The following ATP7A variants were observed in gnomAD, a reference collection of about 807,000 sequenced individuals.
The protein encoded by ATP7A is copper-transporting ATPase 1.
Under a neutral mutation model 83.5 loss-of-function variants are expected in ATP7A, and 7 were observed. The observed-to-expected ratio is 0.08, with a 90% CI of 0.05 to 0.16. The LOEUF (loss-of-function observed/expected upper bound fraction) is 0.16. Ranked by LOEUF, ATP7A falls within the 10% of genes least tolerant of loss-of-function variation. The pLI is 1.00. For synonymous variants in ATP7A, 354 were observed against 395.2 expected (o/e 0.90, Z 1.24); for missense variants, 940 against 1,120.8 (o/e 0.84, Z 2.30).
At chrX:78,022,088 T>A (rs1282637364) in intron 14 of ATP7A, among the ~76,000 whole-genome samples, 1 of 111,515 alleles carries the variant, frequency 9.0e-6, no homozygotes, top group East Asian at 2.8e-4. Flanking sequence ...TTTTGTTGAG[T>A]TGTTTTTCCT....
chrX:77,997,268 A>C (rs2077710429), intron 4 of ATP7A, among the ~76,000 whole-genome samples: 1 of 112,694 alleles, frequency 8.9e-6, no homozygotes. Flanking sequence ...GAAATGCAGA[A>C]TCTCAGACCC....
At chrX:77,933,047 T>C (rs1861704206) in intron 1 of ATP7A, among the ~76,000 whole-genome samples, 1 of 112,091 alleles carries the variant, frequency 8.9e-6, no homozygotes, top group Non-Finnish European at 1.9e-5. Context: ...TCTGTGCAAG[T>C]ACTGCTCAAG....
intron 13 of ATP7A, 128 bp downstream of exon 13, chrX:78,020,526 G>C (rs898781579): frequency 7.8e-5 from 66 of 840,781 alleles, no homozygotes; most frequent in Non-Finnish European, 9.7e-5. Context: ...GTTTGTTTTT[G>C]TTTTGAGATA....
intron 7 of ATP7A, among the ~76,000 whole-genome samples, chrX:78,010,665 C>T (rs782005880): frequency 4.9e-5 from 5 of 101,370 alleles, no homozygotes; most frequent in Admixed American, 1.1e-4. Context: ...CTGCAACCTC[C>T]GCCTCCTGGG....
intron 1 of ATP7A, among the ~76,000 whole-genome samples, chrX:77,928,901 C>T (rs1432464770): frequency 9.0e-6 from 1 of 111,587 alleles, no homozygotes; most frequent in Non-Finnish European, 1.9e-5. Context: ...GGTACCCCTG[C>T]CCCCTAGTCA....
intron 12 of ATP7A, among the ~76,000 whole-genome samples, chrX:78,019,271 C>T (rs782322010): frequency 7.1e-4 from 79 of 111,530 alleles, no homozygotes; most frequent in African/African-American, 2.5e-3. Flanking sequence ...CCAGGTTTTC[C>T]ACATCAGGGT....
intron 1 of ATP7A, among the ~76,000 whole-genome samples, chrX:77,932,797 C>G (rs782025160): frequency 9.8e-5 from 11 of 112,261 alleles, no homozygotes; most frequent in Admixed American, 2.8e-4. Flanking sequence ...CGCAGGCACT[C>G]GGCAGGCTGA....
chrX:77,984,647 T>C (rs1360524013), intron 2 of ATP7A, among the ~76,000 whole-genome samples: 1 of 111,488 alleles, frequency 9.0e-6, no homozygotes, highest in Non-Finnish European at 1.9e-5. Flanking sequence ...ATTACAGGTG[T>C]GAGCCACCAC....
intron 6 of ATP7A, among the ~76,000 whole-genome samples, chrX:78,003,465 A>T (rs1461403722): frequency 9.0e-6 from 1 of 111,076 alleles, no homozygotes; most frequent in Non-Finnish European, 1.9e-5. Flanking sequence ...GAATGAATAA[A>T]TGAAAATTAA....
At chrX:77,946,388 G>C (rs1557226178) in intron 1 of ATP7A, among the ~76,000 whole-genome samples, 1 of 109,697 alleles carries the variant, frequency 9.1e-6, no homozygotes, top group African/African-American at 3.3e-5. Context: ...CTAATGACCA[G>C]TTGTTACATC....
At chrX:77,925,564 T>G (rs2077237687) in intron 1 of ATP7A, among the ~76,000 whole-genome samples, 1 of 111,215 alleles carries the variant, frequency 9.0e-6, no homozygotes, top group African/African-American at 3.3e-5. Flanking sequence ...GCTCCACAGT[T>G]TTCCGAATGC....
At chrX:77,982,718 G>C (rs1299197451) in intron 2 of ATP7A, among the ~76,000 whole-genome samples, 2 of 112,178 alleles carry the variant, frequency 1.8e-5, no homozygotes, top group Non-Finnish European at 3.8e-5. Flanking sequence ...GATGTAAAGA[G>C]TGTAGACTTT....
In ATP7A at chrX:77,988,607, T is replaced by A. The variant is rs782810188; in HGVS notation, c.486T>A (p.Asp162Glu). 4 of 1,209,859 alleles carry A rather than the reference T, an allele frequency of 3.3e-6. No individual in the cohort carries two copies. Among genetic ancestry groups the A allele is most frequent in the Non-Finnish European group, 3.4e-6 (3 of 895,213 alleles). Residue 162 changes from aspartate (D) to glutamate (E), a missense_variant, in exon 3 of 23, where the codon GAT becomes GAA. Physicochemically the swap from Asp to Glu is conservative, Grantham distance 45 (BLOSUM62 2). Around this residue, in one of 3 missense-constraint regions of ATP7A, gnomAD observed 350 missense variants for 432.8 expected, o/e 0.81. Coordinates refer to ENST00000341514, the MANE Select transcript of ATP7A (RefSeq NM_000052.7). ...TLEKKSGACE[D>E]HSMAQAGEVV... ...AGAAAAAGTCAGGAGCTTGTGAAGA[T>A]CATAGTATGGCTCAAGCTGGTGAAG...
chrX:78,033,467 C>T, intron 16 of ATP7A, 138 bp from the exon 17 acceptor site: 4 of 582,870 alleles, frequency 6.9e-6, no homozygotes, highest in Non-Finnish European at 1.1e-5. Flanking sequence ...TTGTCCTTAT[C>T]AAAATCCACT....
intron 2 of ATP7A, among the ~76,000 whole-genome samples, chrX:77,974,081 TC>T (rs1417205091): frequency 2.7e-5 from 3 of 111,307 alleles, no homozygotes; most frequent in Non-Finnish European, 5.6e-5. Context: ...AACTGACTTA[TC>T]AAACCTATTA....
chrX:78,013,430 C>G (rs782718671), intron 10 of ATP7A, among the ~76,000 whole-genome samples: 37 of 111,345 alleles, frequency 3.3e-4, no homozygotes, highest in Non-Finnish European at 6.6e-4. Context: ...AAAAAATTCA[C>G]CCATATTCCC....
chrX:77,968,156 C>A (rs1335719937), intron 1 of ATP7A, among the ~76,000 whole-genome samples: 4 of 110,011 alleles, frequency 3.6e-5, no homozygotes, highest in African/African-American at 6.6e-5. Context: ...AATACACACA[C>A]CAGGAAGCAC....
At chrX:77,965,844 T>C (rs2077502198) in intron 1 of ATP7A, among the ~76,000 whole-genome samples, 1 of 112,190 alleles carries the variant, frequency 8.9e-6, no homozygotes, top group Non-Finnish European at 1.9e-5. Context: ...TGCTGTAACA[T>C]GGATGAACAC....
At chrX:78,013,263 A>G in intron 10 of ATP7A, 151 bp downstream of exon 10, 1 of 545,002 alleles carries the variant, frequency 1.8e-6, no homozygotes, top group Non-Finnish European at 3.0e-6. Flanking sequence ...TAAGTTAAAT[A>G]TCAGTTTAGA....
Sources: gnomAD v4.1 joint callset for allele counts (sites outside exome capture counted in the v4.1 genomes callset) on GRCh38, gnomAD v4.1.1 for gene constraint, gnomAD v4.1.1 regional missense constraint, MANE v1.5 for transcripts, NCBI Gene and HGNC (gene_info 2026-07-23, HGNC 2026-07-21) for gene names.